SLC28A1: variants seen among roughly 807,000 people sequenced by gnomAD.
SLC28A1 encodes the protein sodium/nucleoside cotransporter 1.
SLC28A1 carries 64 observed loss-of-function variants against 74.8 expected under a neutral mutation model. The observed-to-expected ratio is 0.86, with a 90% CI of 0.70 to 1.05. The LOEUF (loss-of-function observed/expected upper bound fraction) is 1.05, where lower values mean the gene tolerates loss of function less well. Among genes scored for constraint, SLC28A1 ranks in the 50% least tolerant of loss-of-function variants. The pLI, the probability that SLC28A1 is intolerant of heterozygous loss-of-function variation, is 0.00. For synonymous variants in SLC28A1, 359 were observed against 335.0 expected (o/e 1.07, Z -0.78); for missense variants, 828 against 822.8 (o/e 1.01, Z -0.08).
intron 1 of SLC28A1, 142 bp from the exon 2 acceptor site, chr15:84,886,530 G>A (rs1168333813): frequency 1.0e-6 from 1 of 985,700 alleles, no homozygotes; most frequent in Non-Finnish European, 1.2e-6. Flanking sequence ...GCTGCAGGGA[G>A]CCAGGTTGCA....
At chr15:84,912,579 A>T (rs1033869822) in intron 9 of SLC28A1, among the ~76,000 whole-genome samples, 1 of 151,950 alleles carries the variant, frequency 6.6e-6, no homozygotes, top group Non-Finnish European at 1.5e-5. Flanking sequence ...CACCCGCATG[A>T]TCATACTCCC....
chr15:84,961,158 C>T, the SLC28A1 span, among the ~76,000 whole-genome samples: 8 of 152,104 alleles, frequency 5.3e-5, no homozygotes, highest in African/African-American at 1.2e-4. Context: ...GCATTTTTGC[C>T]TAGCCTTATC....
At chr15:84,946,112 A>ATTTTTTTTTTT (rs1165709632), downstream of SLC28A1, among the ~76,000 whole-genome samples, 16 of 13,478 alleles carry the variant, frequency 1.2e-3, 3 homozygotes, top group African/African-American at 3.3e-3. Flanking sequence ...ATATATATAT[A>ATTTTTTTTTTT]TTTTTTTTTT....
At chr15:84,960,812 C>G in the SLC28A1 span, among the ~76,000 whole-genome samples, 2 of 152,326 alleles carry the variant, frequency 1.3e-5, no homozygotes, top group East Asian at 3.9e-4. Context: ...TCTCCTGTTG[C>G]TGCTCTCACT....
At chr15:84,924,150 C>T (rs1454551060) in intron 12 of SLC28A1, 40 bp downstream of exon 12, 4 of 1,603,362 alleles carry the variant, frequency 2.5e-6, no homozygotes, top group Non-Finnish European at 3.4e-6. Flanking sequence ...TGTTGAGGAC[C>T]TGAAGCCCAT....
At chr15:84,895,529 C>A (rs1965901651) in intron 6 of SLC28A1, 1 of 1,558,422 alleles carries the variant, frequency 6.4e-7, no homozygotes. Flanking sequence ...CATTAGCCTC[C>A]AGGGGATTCT....
At chr15:84,919,392 G>C (rs1401508889) in intron 10 of SLC28A1, among the ~76,000 whole-genome samples, 3 of 152,160 alleles carry the variant, frequency 2.0e-5, no homozygotes, top group Non-Finnish European at 4.4e-5. Context: ...AACAACCTGT[G>C]GTTATTATCT....
intron 9 of SLC28A1, among the ~76,000 whole-genome samples, chr15:84,917,575 C>A (rs1399757693): frequency 6.6e-6 from 1 of 152,032 alleles, no homozygotes; most frequent in Non-Finnish European, 1.5e-5. Context: ...TGCATGGCTA[C>A]CCCCCACCCC....
the SLC28A1 span, among the ~76,000 whole-genome samples, chr15:84,971,024 G>A: frequency 1.3e-5 from 2 of 152,172 alleles, no homozygotes; most frequent in African/African-American, 4.8e-5. Context: ...GCCGGCTGCA[G>A]GTTCAAATGC....
chr15:84,974,059 G>C, the SLC28A1 span, among the ~76,000 whole-genome samples: 2 of 152,142 alleles, frequency 1.3e-5, no homozygotes, highest in Admixed American at 1.3e-4. Flanking sequence ...CCAGCAGAGG[G>C]GACTTGAATC....
the SLC28A1 span, among the ~76,000 whole-genome samples, chr15:84,971,289 TCC>T: frequency 9.2e-5 from 14 of 152,098 alleles, no homozygotes; most frequent in Middle Eastern, 3.2e-3. Context: ...TGAATGTTTG[TCC>T]CCCTCAAACC....
chr15:84,963,384 A>T, the SLC28A1 span, among the ~76,000 whole-genome samples: 3 of 151,984 alleles, frequency 2.0e-5, no homozygotes, highest in Admixed American at 2.0e-4. Context: ...CCAATCTTCC[A>T]TCCTGAGGTC....
chr15:84,903,974 G>C (rs1873945521), intron 6 of SLC28A1, 123 bp from the exon 7 acceptor site: 1 of 1,286,180 alleles, frequency 7.8e-7, no homozygotes, highest in Non-Finnish European at 1.1e-6. Context: ...TTTCCACTCT[G>C]CTGTGCTGTT....
intron 12 of SLC28A1, among the ~76,000 whole-genome samples, chr15:84,929,051 C>T (rs182138611): frequency 2.6e-5 from 4 of 152,300 alleles, no homozygotes; most frequent in Non-Finnish European, 5.9e-5. Context: ...CCACCAAACA[C>T]ACATAGCTAT....
At chr15:84,902,190 G>A (rs1457358280) in intron 6 of SLC28A1, among the ~76,000 whole-genome samples, 1 of 152,118 alleles carries the variant, frequency 6.6e-6, no homozygotes, top group African/African-American at 2.4e-5. Flanking sequence ...TCTTAAAAAT[G>A]CAAAGTAGGC....
intron 15 of SLC28A1, among the ~76,000 whole-genome samples, chr15:84,940,053 C>T (rs757248377): frequency 4.6e-5 from 7 of 152,154 alleles, no homozygotes; most frequent in Non-Finnish European, 8.8e-5. Context: ...GTCTCAAACT[C>T]CTGACCTCAA....
chr15:84,941,535 A>G (rs1367616949), intron 15 of SLC28A1, among the ~76,000 whole-genome samples: 1 of 151,838 alleles, frequency 6.6e-6, no homozygotes, highest in East Asian at 1.9e-4. Context: ...CATAGATTTT[A>G]TACCAAATAT....
the SLC28A1 span, among the ~76,000 whole-genome samples, chr15:84,951,376 G>C: frequency 2.6e-5 from 4 of 151,184 alleles, no homozygotes; most frequent in Non-Finnish European, 4.4e-5. Context: ...GCTACAGTGA[G>C]CCATGACCCA....
At chr15:84,890,573 T>A (rs1425393311) in intron 5 of SLC28A1, 39 bp downstream of exon 5, 2 of 1,488,352 alleles carry the variant, frequency 1.3e-6, no homozygotes, top group Non-Finnish European at 1.9e-6. Flanking sequence ...ACACAATGAC[T>A]CCTGCCTCAG....
Sources: allele counts gnomAD v4.1 joint callset (sites outside exome capture counted in the v4.1 genomes callset), GRCh38; gene constraint gnomAD v4.1.1; transcripts MANE v1.5; gene names NCBI Gene and HGNC (gene_info 2026-07-23, HGNC 2026-07-21).